Variants in CACNA1C observed in about 807,000 individuals in gnomAD.
The protein encoded by CACNA1C is calcium voltage-gated channel subunit alpha1 C.
A neutral mutation model predicts 229.0 loss-of-function variants in CACNA1C; 30 were observed. The observed-to-expected ratio is 0.13, with a 90% CI of 0.10 to 0.18. The LOEUF is 0.18. CACNA1C is among the 10% of genes least tolerant of loss of function. CACNA1C has a pLI of 1.00. For synonymous variants in CACNA1C, 1,114 were observed against 1,132.5 expected, an observed-to-expected ratio of 0.98 and a Z score of 0.33; for missense variants, 1,658 against 2,845.0, an observed-to-expected ratio of 0.58 and a Z score of 9.49.
intron 13 of CACNA1C, among the ~76,000 whole-genome samples, chr12:2,572,480 T>TC: frequency 1.8e-5 from 1 of 54,854 alleles, no homozygotes; most frequent in Non-Finnish European, 3.6e-5. Flanking sequence ...CTCCTTCTCC[T>TC]CTTCCTCCTC....
At chr12:1,999,585 G>A (rs981462882) in intron 1 of CACNA1C, among the ~76,000 whole-genome samples, 3 of 151,994 alleles carry the variant, frequency 2.0e-5, no homozygotes, top group Non-Finnish European at 2.9e-5. Context: ...AATTAGCCAG[G>A]TGTGGTGGCA....
chr12:2,004,280 A>AC, intron 1 of CACNA1C: 1 of 1,612,980 alleles, frequency 6.2e-7, no homozygotes, highest in African/African-American at 1.3e-5. Flanking sequence ...GTCCGCACGC[A>AC]CCCACTCGTT....
At chr12:2,502,608 T>C (rs2099763154) in intron 7 of CACNA1C, among the ~76,000 whole-genome samples, 1 of 152,224 alleles carries the variant, frequency 6.6e-6, no homozygotes, top group Admixed American at 6.5e-5. Context: ...GGGTGAATTT[T>C]CCTAACCAAA....
intron 7 of CACNA1C, among the ~76,000 whole-genome samples, chr12:2,496,385 C>T (rs2099746888): frequency 6.6e-6 from 1 of 152,166 alleles, no homozygotes; most frequent in Non-Finnish European, 1.5e-5. Flanking sequence ...CCAAGATTTT[C>T]AAATATAGTA....
rs553500083 is a variant in CACNA1C at position 2,688,696 on chromosome 12, C to T, written c.6034C>T (p.Arg2012Trp). The change falls in exon 46 of 47, where the codon CGG (arginine) becomes TGG (tryptophan). Residue 2012 changes from arginine to tryptophan, a missense_variant. By Grantham distance (101) the Arg-to-Trp change is moderately radical. Around this residue, in one of 20 missense-constraint regions of CACNA1C, gnomAD observed 590 missense variants for 700.8 expected, o/e 0.84. Transcript: ENST00000399655. The part of the protein sequence containing the change: ...GGGSSAARRV[R>W]PVSLMVPSQA... ...GGGCAGCAGCGCCGCCCGGAGAGTC[C>T]GGCCCGTCTCCCTCATGGTGCCCAG... 37 of 1,611,780 alleles carry T rather than the reference C, an allele frequency of 2.3e-5. No homozygotes were observed. In the Admixed American group the frequency reaches 3.8e-4, roughly 17 times the overall value.
chr12:2,516,816 G>A (rs2099797806), intron 9 of CACNA1C, among the ~76,000 whole-genome samples: 1 of 152,198 alleles, frequency 6.6e-6, no homozygotes. Context: ...AATAAGGAAT[G>A]AACCTCTCCA....
intron 11 of CACNA1C, among the ~76,000 whole-genome samples, chr12:2,561,925 A>T (rs2154592942): frequency 6.6e-6 from 1 of 152,326 alleles, no homozygotes; most frequent in Non-Finnish European, 1.5e-5. Context: ...TGTAAACATA[A>T]ATAAATTTAC....
chr12:2,683,949 C>T (rs569632366), intron 43 of CACNA1C, among the ~76,000 whole-genome samples: 1 of 152,342 alleles, frequency 6.6e-6, no homozygotes, highest in East Asian at 1.9e-4. Context: ...AAGCCCTCAC[C>T]GACCCCTCCC....
chr12:2,016,137 C>T (rs1229412067), intron 1 of CACNA1C, among the ~76,000 whole-genome samples: 1 of 152,170 alleles, frequency 6.6e-6, no homozygotes, highest in Non-Finnish European at 1.5e-5. Flanking sequence ...TGAATGACTT[C>T]ATTTCTTAGT....
chr12:2,297,549 G>A (rs1254338278), intron 3 of CACNA1C, among the ~76,000 whole-genome samples: 2 of 152,202 alleles, frequency 1.3e-5, no homozygotes, highest in Admixed American at 6.5e-5. Context: ...CTAGGGGGTC[G>A]TTTCTGTAGA....
chr12:2,223,117 T>C (rs1463904391), intron 3 of CACNA1C, among the ~76,000 whole-genome samples: 1 of 152,208 alleles, frequency 6.6e-6, no homozygotes, highest in Non-Finnish European at 1.5e-5. Context: ...GACAGGGATA[T>C]CCTACTTGGC....
intron 3 of CACNA1C, among the ~76,000 whole-genome samples, chr12:2,380,021 A>T (rs1176653782): frequency 1.4e-5 from 2 of 142,348 alleles, no homozygotes; most frequent in Non-Finnish European, 3.1e-5. Context: ...ACAGAGCGAG[A>T]CTCCGTCTCA....
chr12:2,257,911 C>G (rs1022177620), intron 3 of CACNA1C, among the ~76,000 whole-genome samples: 1 of 152,128 alleles, frequency 6.6e-6, no homozygotes, highest in African/African-American at 2.4e-5. Flanking sequence ...ATTTTTTGAC[C>G]TACAGAAGCG....
At chr12:1,991,982 C>CAA in intron 1 of CACNA1C, 1 of 220,402 alleles carries the variant, frequency 4.5e-6, no homozygotes, top group Non-Finnish European at 9.8e-6. Flanking sequence ...CTAATAATCT[C>CAA]AAAAAAAACC....
At chr12:2,158,010 A>C (rs745937849) in intron 3 of CACNA1C, among the ~76,000 whole-genome samples, 5 of 152,230 alleles carry the variant, frequency 3.3e-5, no homozygotes, top group Non-Finnish European at 7.3e-5. Context: ...AGTAGGGCAA[A>C]AAATCAGAGA....
intron 11 of CACNA1C, among the ~76,000 whole-genome samples, chr12:2,562,809 T>G (rs778702160): frequency 5.3e-5 from 8 of 152,218 alleles, no homozygotes; most frequent in African/African-American, 1.9e-4. Context: ...AGGTGTACAA[T>G]GTGCAAAAAT....
intron 3 of CACNA1C, among the ~76,000 whole-genome samples, chr12:2,358,628 T>G (rs2097459555): frequency 6.6e-6 from 1 of 152,206 alleles, no homozygotes; most frequent in Admixed American, 6.5e-5. Flanking sequence ...AAGTGCTAAA[T>G]GACGAGTTTC....
intron 3 of CACNA1C, among the ~76,000 whole-genome samples, chr12:2,326,293 A>G (rs535886680): frequency 6.6e-6 from 1 of 152,328 alleles, no homozygotes; most frequent in African/African-American, 2.4e-5. Flanking sequence ...TTCATTAACC[A>G]TCAGCTGGGA....
At chr12:2,562,478 A>G (rs1275260561) in intron 11 of CACNA1C, among the ~76,000 whole-genome samples, 1 of 152,200 alleles carries the variant, frequency 6.6e-6, no homozygotes, top group East Asian at 1.9e-4. Context: ...AGGGGAATAA[A>G]CTACTTGCCA....
Sources: allele counts gnomAD v4.1 joint callset (sites outside exome capture counted in the v4.1 genomes callset), GRCh38; gene constraint gnomAD v4.1.1; regional missense constraint gnomAD v4.1.1; transcripts MANE v1.5; gene names NCBI Gene and HGNC (gene_info 2026-07-23, HGNC 2026-07-21).